The following NEGR1 variants were observed in gnomAD, a reference collection of about 807,000 sequenced individuals.
NEGR1 encodes the protein IgLON family member 4.
A neutral mutation model predicts 40.9 loss-of-function variants in NEGR1; 10 were observed. That is an observed-to-expected ratio of 0.24 (90% CI 0.15 to 0.42). The LOEUF (loss-of-function observed/expected upper bound fraction) is 0.42. Ranked by LOEUF, NEGR1 falls within the 10% of genes least tolerant of loss-of-function variation. NEGR1 has a pLI of 1.00. For missense variants in NEGR1, 352 were observed against 438.9 expected, an observed-to-expected ratio of 0.80 and a Z score of 1.77; for synonymous variants, 185 against 166.8, an observed-to-expected ratio of 1.11 and a Z score of -0.84.
intron 6 of NEGR1, among the ~76,000 whole-genome samples, chr1:71,506,414 C>A (rs899840592): frequency 6.6e-6 from 1 of 151,976 alleles, no homozygotes; most frequent in Non-Finnish European, 1.5e-5. Flanking sequence ...TGGAGGTGGC[C>A]GAAATGTGTG....
Position 71,404,472 on chromosome 1 carries a change from G to A in NEGR1, c.*2974C>T, listed in dbSNP as rs1040419210. On this transcript the variant is annotated 3_prime_UTR_variant, in exon 7 of 7. Transcript: ENST00000357731. Reference sequence around the variant, plus strand: ...GTTACACCACTTGCAGTTAAACTAAGAATGCAAATGTGTAAGTTAACTACC... The same window carrying A: ...GTTACACCACTTGCAGTTAAACTAAAAATGCAAATGTGTAAGTTAACTACC... 2 of 151,930 alleles carry A rather than the reference G, an allele frequency of 1.3e-5. No homozygotes were observed. The highest frequency in any genetic ancestry group is 6.6e-5 in the Admixed American group (1 of 15,166). 9.4% of individuals were successfully genotyped at this position (151,930 alleles called of 1,614,324 possible).
chr1:71,758,537 A>G (rs1655821968), intron 3 of NEGR1, among the ~76,000 whole-genome samples: 1 of 152,154 alleles, frequency 6.6e-6, no homozygotes, highest in South Asian at 2.1e-4. Context: ...TATAATCATT[A>G]TAATTTTCTA....
At chr1:71,496,940 G>T (rs758851450) in intron 6 of NEGR1, among the ~76,000 whole-genome samples, 11 of 152,116 alleles carry the variant, frequency 7.2e-5, no homozygotes, top group Non-Finnish European at 1.3e-4. Flanking sequence ...TTCACTACTG[G>T]AAAATTGATA....
intron 2 of NEGR1, among the ~76,000 whole-genome samples, chr1:71,832,083 C>T (rs12119234): frequency 0.16 from 24,583 of 151,480 alleles, 2,541 homozygotes; most frequent in Non-Finnish European, 0.23. Flanking sequence ...AGCACCCCTG[C>T]GATAATCATA....
intron 6 of NEGR1, among the ~76,000 whole-genome samples, chr1:71,509,973 A>G (rs1647061790): frequency 6.6e-6 from 1 of 152,180 alleles, no homozygotes; most frequent in Non-Finnish European, 1.5e-5. Flanking sequence ...GAAATGTTGC[A>G]CTTTCATTCT....
intron 2 of NEGR1, among the ~76,000 whole-genome samples, chr1:71,863,863 A>T (rs1407011226): frequency 1.3e-5 from 2 of 152,174 alleles, no homozygotes; most frequent in Non-Finnish European, 2.9e-5. Context: ...ATAGAATATT[A>T]AAATATCATT....
chr1:71,938,114 A>C (rs1477881500), intron 1 of NEGR1, among the ~76,000 whole-genome samples: 1 of 152,038 alleles, frequency 6.6e-6, no homozygotes, highest in Non-Finnish European at 1.5e-5. Flanking sequence ...CACATTAGTA[A>C]TACTCTTGAA....
chr1:71,527,863 G>A (rs1647240852), intron 6 of NEGR1, among the ~76,000 whole-genome samples: 1 of 151,358 alleles, frequency 6.6e-6, no homozygotes, highest in African/African-American at 2.4e-5. Flanking sequence ...TAAATCACAA[G>A]AGAGTGAATA....
intron 3 of NEGR1, among the ~76,000 whole-genome samples, chr1:71,712,042 A>AG (rs1410496170): frequency 6.6e-6 from 1 of 152,174 alleles, no homozygotes; most frequent in Non-Finnish European, 1.5e-5. Context: ...TTAGTATTGA[A>AG]GGATAGCTGA....
chr1:71,455,263 C>T (rs376910267), intron 6 of NEGR1, among the ~76,000 whole-genome samples: 4 of 152,126 alleles, frequency 2.6e-5, no homozygotes, highest in Non-Finnish European at 2.9e-5. Context: ...ATATATTATT[C>T]GGTACATAAT....
intron 1 of NEGR1, among the ~76,000 whole-genome samples, chr1:71,962,434 A>G (rs967977555): frequency 6.6e-6 from 1 of 152,080 alleles, no homozygotes; most frequent in African/African-American, 2.4e-5. Flanking sequence ...AAGTAAAATG[A>G]GCAGGAATGA....
intron 3 of NEGR1, among the ~76,000 whole-genome samples, chr1:71,738,910 AG>A (rs1473721041): frequency 6.6e-6 from 1 of 152,158 alleles, no homozygotes; most frequent in East Asian, 1.9e-4. Context: ...ACATAGCATG[AG>A]TTCATTGTTT....
At chr1:71,870,647 A>G (rs1292257381) in intron 2 of NEGR1, among the ~76,000 whole-genome samples, 1 of 152,164 alleles carries the variant, frequency 6.6e-6, no homozygotes, top group Non-Finnish European at 1.5e-5. Flanking sequence ...AAGATTAAGT[A>G]ATACTTTTAT....
At chr1:71,660,173 C>CA (rs1252601688) in intron 4 of NEGR1, among the ~76,000 whole-genome samples, 2 of 152,112 alleles carry the variant, frequency 1.3e-5, no homozygotes. Context: ...ATGTCTTTTG[C>CA]AGAAACATGG....
At chr1:71,622,428 A>G (rs1355656741) in intron 4 of NEGR1, among the ~76,000 whole-genome samples, 1 of 151,974 alleles carries the variant, frequency 6.6e-6, no homozygotes, top group African/African-American at 2.4e-5. Flanking sequence ...CTAATATTGA[A>G]GGCGTTATAA....
chr1:72,177,157 A>G (rs1243045215), intron 1 of NEGR1, among the ~76,000 whole-genome samples: 1 of 152,126 alleles, frequency 6.6e-6, no homozygotes, highest in Non-Finnish European at 1.5e-5. Flanking sequence ...TTAACCAAAT[A>G]AGATAGATAC....
chr1:72,227,704 T>C (rs889308862), intron 1 of NEGR1, among the ~76,000 whole-genome samples: 2 of 152,102 alleles, frequency 1.3e-5, no homozygotes, highest in South Asian at 2.1e-4. Context: ...GACACTGGTT[T>C]GATATGGTAT....
chr1:72,220,375 G>A (rs903534668), intron 1 of NEGR1, among the ~76,000 whole-genome samples: 2 of 151,632 alleles, frequency 1.3e-5, no homozygotes, highest in African/African-American at 2.4e-5. Flanking sequence ...AGTAGTTACC[G>A]GGGACCATAT....
chr1:71,974,340 A>G (rs1436735238), intron 1 of NEGR1, among the ~76,000 whole-genome samples: 1 of 152,226 alleles, frequency 6.6e-6, no homozygotes, highest in Non-Finnish European at 1.5e-5. Context: ...GAAAATAAAC[A>G]AAATGAATAA....
Sources: allele counts gnomAD v4.1 joint callset (sites outside exome capture counted in the v4.1 genomes callset), GRCh38; gene constraint gnomAD v4.1.1; transcripts MANE v1.5; gene names NCBI Gene and HGNC (gene_info 2026-07-23, HGNC 2026-07-21).